Variants in NXPE2 observed in about 807,000 individuals in gnomAD.
NXPE2 encodes the protein neurexophilin and PC-esterase domain family member 2.
Under a neutral mutation model 34.4 loss-of-function variants are expected in NXPE2, and 34 were observed. That is an observed-to-expected ratio of 0.99 (90% CI 0.75 to 1.31). NXPE2 has a LOEUF of 1.31. Ranked by LOEUF, NXPE2 falls within the 40% of genes most tolerant of loss-of-function variation. The pLI, the probability that NXPE2 is intolerant of heterozygous loss-of-function variation, is 0.00. For synonymous variants in NXPE2, 235 were observed against 231.3 expected, an observed-to-expected ratio of 1.02 and a Z score of -0.15; for missense variants, 649 against 672.5, an observed-to-expected ratio of 0.97 and a Z score of 0.39.
the NXPE2 span, among the ~76,000 whole-genome samples, chr11:114,519,914 CAG>C: frequency 6.6e-6 from 1 of 151,642 alleles, no homozygotes; most frequent in Non-Finnish European, 1.5e-5. Context: ...TTTTTTGAGA[CAG>C]AGTCTCGCTC....
the NXPE2 span, among the ~76,000 whole-genome samples, chr11:114,771,748 G>A: frequency 6.6e-6 from 1 of 152,218 alleles, no homozygotes; most frequent in Non-Finnish European, 1.5e-5. Context: ...ACTCTTGTTA[G>A]CGCTCTGCTT....
the NXPE2 span, among the ~76,000 whole-genome samples, chr11:114,811,389 A>T: frequency 6.6e-6 from 1 of 152,120 alleles, no homozygotes; most frequent in African/African-American, 2.4e-5. Context: ...TTTAAAGACC[A>T]CACACACAAA....
the NXPE2 span, among the ~76,000 whole-genome samples, chr11:114,542,793 T>C: frequency 6.6e-6 from 1 of 151,950 alleles, no homozygotes; most frequent in South Asian, 2.1e-4. Flanking sequence ...AACATAATCA[T>C]TAGAACAAAA....
At chr11:114,494,844 G>A in the NXPE2 span, among the ~76,000 whole-genome samples, 1 of 152,114 alleles carries the variant, frequency 6.6e-6, no homozygotes, top group African/African-American at 2.4e-5. Context: ...TGTCCTTCTT[G>A]GGAAGGCTTT....
intron 2 of NXPE2, among the ~76,000 whole-genome samples, chr11:114,690,256 T>C (rs1792417): frequency 0.88 from 134,580 of 152,154 alleles, 59,892 homozygotes; most frequent in Non-Finnish European, 0.92. Flanking sequence ...TTTAGAACTC[T>C]TGAAGGAGAT....
At chr11:114,571,417 C>T in the NXPE2 span, 1 of 1,612,446 alleles carries the variant, frequency 6.2e-7, no homozygotes, top group African/African-American at 1.3e-5. Flanking sequence ...CTATCCAAAT[C>T]CACAGCAAGC....
chr11:114,597,244 C>T, the NXPE2 span, among the ~76,000 whole-genome samples: 1 of 151,826 alleles, frequency 6.6e-6, no homozygotes, highest in East Asian at 1.9e-4. Context: ...GTTTGATTAG[C>T]CCAATAGAAG....
At position 114,703,691 on chromosome 11, in the gene NXPE2, TAGATAGATGATAGATAGATAGATAGAC is replaced by T. The variant is rs1228869923; in HGVS notation, c.867-296_867-270del. 4.5e-3 allele frequency among the ~76,000 whole-genome samples: 81 copies of T among 18,040 alleles called. 1 individual carries two copies. Among genetic ancestry groups the T allele is most frequent in the African/African-American group, 0.02 (67 of 3,374 alleles). The allele number at this position is 18,040 out of a possible 152,430, so 11.8% of individuals were successfully genotyped here. A position where few individuals can be genotyped will look rare whatever the true frequency, so the allele number is the denominator to read the frequency against. On this transcript the variant is annotated intron_variant, in intron 3 of 5. Transcript: ENST00000389586. The stretch of plus-strand genomic sequence containing the variant: ...ATAGATAGATAGATAGATAGATAGA[TAGATAGATGATAGATAGATAGATAGAC>T]AGACAGACAGATAGATAGATAGATG...
the NXPE2 span, among the ~76,000 whole-genome samples, chr11:114,609,926 T>C: frequency 5.9e-5 from 9 of 151,972 alleles, no homozygotes; most frequent in East Asian, 1.8e-3. Flanking sequence ...AACCGGTGGA[T>C]AATAAGTGTT....
chr11:114,601,180 G>A, the NXPE2 span, among the ~76,000 whole-genome samples: 1 of 151,408 alleles, frequency 6.6e-6, no homozygotes, highest in Non-Finnish European at 1.5e-5. Flanking sequence ...GAGTTTTAGT[G>A]TACCTGTCAC....
chr11:114,603,118 C>T, the NXPE2 span, among the ~76,000 whole-genome samples: 2 of 151,630 alleles, frequency 1.3e-5, no homozygotes, highest in South Asian at 4.2e-4. Context: ...TAGGTAACTA[C>T]TATTATCTAG....
upstream of NXPE2, chr11:114,678,507 A>G: frequency 7.8e-7 from 1 of 1,282,534 alleles, no homozygotes; most frequent in Non-Finnish European, 1.1e-6. Context: ...CAACCCTAAG[A>G]TAAATGCAAA....
At chr11:114,734,984 C>T in the NXPE2 span, among the ~76,000 whole-genome samples, 1 of 152,142 alleles carries the variant, frequency 6.6e-6, no homozygotes, top group East Asian at 1.9e-4. Context: ...GTGGTGGGTG[C>T]CTGTAGTCCA....
the NXPE2 span, chr11:114,528,696 T>G: frequency 2.1e-6 from 1 of 470,992 alleles, no homozygotes; most frequent in Non-Finnish European, 3.9e-6. Flanking sequence ...CACACTTTGT[T>G]TCAAACCTCT....
the NXPE2 span, among the ~76,000 whole-genome samples, chr11:114,766,995 A>AT: frequency 2.0e-5 from 3 of 151,606 alleles, no homozygotes; most frequent in Non-Finnish European, 4.4e-5. Context: ...AAAAAAAAAT[A>AT]TTTTTTCCTC....
chr11:114,540,598 C>T, the NXPE2 span, among the ~76,000 whole-genome samples: 2 of 151,948 alleles, frequency 1.3e-5, no homozygotes, highest in Non-Finnish European at 2.9e-5. Context: ...CAAAAGAGTT[C>T]TGTTTCAATA....
At chr11:114,738,550 C>T in the NXPE2 span, among the ~76,000 whole-genome samples, 2 of 152,174 alleles carry the variant, frequency 1.3e-5, no homozygotes, top group African/African-American at 4.8e-5. Flanking sequence ...AAACTCAGGC[C>T]TGGAGCTTTC....
At chr11:114,726,351 A>G in the NXPE2 span, among the ~76,000 whole-genome samples, 11 of 151,864 alleles carry the variant, frequency 7.2e-5, no homozygotes, top group African/African-American at 2.7e-4. Flanking sequence ...TTTTCTTCAA[A>G]TTTATCCTGC....
At chr11:114,655,256 T>G in the NXPE2 span, among the ~76,000 whole-genome samples, 131,878 of 152,112 alleles carry the variant, frequency 0.87, 57,809 homozygotes, top group Non-Finnish European at 0.92. Context: ...TGCAAAAATT[T>G]TCTCCCATTC....
Sources: gnomAD v4.1 joint callset for allele counts (sites outside exome capture counted in the v4.1 genomes callset) on GRCh38, gnomAD v4.1.1 for gene constraint, MANE v1.5 for transcripts, NCBI Gene and HGNC (gene_info 2026-07-23, HGNC 2026-07-21) for gene names.